TATDN2: variants seen among roughly 807,000 people sequenced by gnomAD.
TATDN2 encodes 3'-5' RNA nuclease TATDN2.
In TATDN2, 44 loss-of-function variants were observed where a neutral mutation model predicts 60.3. The ratio of observed to expected loss-of-function variants is 0.73; its 90% CI spans 0.57 to 0.94. The LOEUF (loss-of-function observed/expected upper bound fraction) is 0.94. Ranked by LOEUF, TATDN2 falls within the 40% of genes least tolerant of loss-of-function variation. The pLI is 0.00. For synonymous variants in TATDN2, 399 were observed against 355.8 expected (o/e 1.12, Z -1.37); for missense variants, 997 against 948.0 (o/e 1.05, Z -0.68).
chr3:10,249,555 C>T lies in TATDN2; in HGVS notation c.355C>T (p.Pro119Ser), dbSNP rs1698190253. 3 of 1,557,196 alleles carry T rather than the reference C, an allele frequency of 1.9e-6. No individual in the cohort carries two copies. Among genetic ancestry groups the T allele is most frequent in the East Asian group, 4.6e-5 (2 of 43,944 alleles). ...FLSSGGSPLR[P>S]ANASLEEMAS... ...GTCTTCAGGGGGATCCCCTCTGCGT[C>T]CTGCCAACGCCTCTTTGGAAGAAAT... is the stretch of plus-strand genomic sequence containing the variant. The change falls in exon 2 of 8, where the codon CCT becomes TCT. Residue 119 changes from proline to serine, a missense_variant. Pro to Ser is a moderately conservative substitution (Grantham distance 74). Coordinates refer to ENST00000448281, the MANE Select transcript of TATDN2 (RefSeq NM_014760.4).
chr3:10,278,348 C>T lies in TATDN2; in HGVS notation c.2031C>T (p.Gly677=), dbSNP rs1204229493. 1 of 1,614,098 alleles carries T rather than the reference C, an allele frequency of 6.2e-7. No individual in the cohort carries two copies. Among genetic ancestry groups the T allele is most frequent in the Non-Finnish European group, 8.5e-7 (1 of 1,180,040 alleles). The change falls in exon 6 of 8, where the codon GGC becomes GGT. Residue 677 remains glycine, a synonymous_variant. Coordinates refer to ENST00000448281, the MANE Select transcript of TATDN2 (RefSeq NM_014760.4). The surrounding 1 kb of genome is among the most constrained non-coding windows in gnomAD (Gnocchi z 4.7). The part of the protein sequence containing the change: ...LLKYFPNMSV[G]FTAVLTYSSA... Reference sequence around the variant, plus strand: ...AGTACTTTCCCAACATGTCTGTGGGCTTCACGGCAGTGCTGACATACTCCT... The same window carrying T: ...AGTACTTTCCCAACATGTCTGTGGGTTTCACGGCAGTGCTGACATACTCCT...
chr3:10,266,986 A>G (rs1015974474), intron 3 of TATDN2, among the ~76,000 whole-genome samples: 3 of 140,946 alleles, frequency 2.1e-5, no homozygotes, highest in Non-Finnish European at 4.5e-5. Context: ...GTTGGAGTAC[A>G]GTGGCTCACT....
chr3:10,278,396 C>T lies in TATDN2; in HGVS notation c.2079C>T (p.Ala693=). Residue 693 remains alanine, a synonymous_variant, in exon 6 of 8, where the codon GCC becomes GCT. Transcript: ENST00000448281. The surrounding 1 kb of genome is among the most constrained non-coding windows in gnomAD (Gnocchi z 4.7). ...CCTCTGCCTGGGAGGCCCGGGAAGC[C>T]TTGAGGCAGATCCCACTGGAGAGAA... The part of the protein sequence containing the change: ...TYSSAWEARE[A]LRQIPLERII... 1 of 1,614,186 alleles carries T rather than the reference C, an allele frequency of 6.2e-7. No individual in the cohort carries two copies. Among genetic ancestry groups the T allele is most frequent in the Non-Finnish European group, 8.5e-7 (1 of 1,180,010 alleles).
Position 10,270,686 on chromosome 3 carries a change from C to T in TATDN2, c.1504C>T (p.Leu502=), listed in dbSNP as rs770340322. 69 of 1,614,210 alleles carry T rather than the reference C, an allele frequency of 4.3e-5. No homozygotes were observed. Among genetic ancestry groups the T allele is most frequent in the Non-Finnish European group, 5.8e-5 (68 of 1,180,040 alleles). Residue 502 remains leucine, a synonymous_variant, in exon 4 of 8, where the codon CTG becomes TTG. Coordinates refer to ENST00000448281, the MANE Select transcript of TATDN2 (RefSeq NM_014760.4). ...GGGCTTCATTGACACTCATTGTCAC[C>T]TGGACATGCTCTATTCCAAGCTATC... The part of the protein sequence containing the change: ...EEGFIDTHCH[L]DMLYSKLSFQ...
chr3:10,261,748 C>T (rs1319218000), intron 3 of TATDN2, among the ~76,000 whole-genome samples: 1 of 152,210 alleles, frequency 6.6e-6, no homozygotes, highest in African/African-American at 2.4e-5. Context: ...GCTCTTTCTT[C>T]TAGTACTTAC....
chr3:10,265,058 T>TTCCTGTGCGTGG, intron 3 of TATDN2, among the ~76,000 whole-genome samples: 1 of 139,962 alleles, frequency 7.1e-6, no homozygotes, highest in African/African-American at 2.6e-5. Context: ...TTTTTTTTTT[T>TTCCTGTGCGTGG]TATTGCTGCC....
Position 10,278,223 on chromosome 3 carries a change from T to TG in TATDN2, c.1962-51dup. On this transcript the variant is annotated intron_variant, in intron 5 of 7. Coordinates refer to ENST00000448281, the MANE Select transcript of TATDN2 (RefSeq NM_014760.4). The surrounding 1 kb of genome is among the most constrained non-coding windows in gnomAD (Gnocchi z 4.7). ...AAGGGGTGATGGGTGTGGGGGGAGC[T>TG]GGGGGCTGCTGCAGAGGGGACTGTG... is the stretch of plus-strand genomic sequence containing the variant. 3.8e-6 allele frequency: 6 copies of TG among 1,568,782 alleles called. No homozygotes were observed. The highest frequency in any genetic ancestry group is 2.3e-5 in the South Asian group (2 of 86,196).
intron 2 of TATDN2, among the ~76,000 whole-genome samples, chr3:10,254,165 G>A (rs921605930): frequency 6.6e-6 from 1 of 152,164 alleles, no homozygotes; most frequent in African/African-American, 2.4e-5. Context: ...GGCTGTTGTT[G>A]CCAAGGACAA....
chr3:10,252,855 AT>A (rs373138121), intron 2 of TATDN2, among the ~76,000 whole-genome samples: 117 of 112,002 alleles, frequency 1.0e-3, no homozygotes, highest in Admixed American at 9.3e-4. Context: ...TGCCTGGCTA[AT>A]TTTTTTTTTT....
intron 3 of TATDN2, among the ~76,000 whole-genome samples, chr3:10,265,837 C>T (rs1486300930): frequency 2.0e-5 from 3 of 149,048 alleles, no homozygotes; most frequent in Admixed American, 6.6e-5. Flanking sequence ...AAGGGCAGGC[C>T]ATCTGCACAG....
chr3:10,273,620 G>A (rs1698596894), intron 4 of TATDN2, among the ~76,000 whole-genome samples: 1 of 151,146 alleles, frequency 6.6e-6, no homozygotes, highest in African/African-American at 2.4e-5. Context: ...AGAGCCTGTG[G>A]AAGGTCTGTA....
In TATDN2 at chr3:10,278,810, G is replaced by C. The variant is rs1698676747; in HGVS notation, c.2146-75G>C. ...CCCAAAGAGGTCCTTGCTGGGGAAGGGACAGGGAGGGAGTTCTAGATTATG... is the reference window on the plus strand; with the variant it reads ...CCCAAAGAGGTCCTTGCTGGGGAAGCGACAGGGAGGGAGTTCTAGATTATG... On this transcript the variant is annotated intron_variant, in intron 6 of 7. Transcript: ENST00000448281. The surrounding 1 kb of genome is among the most constrained non-coding windows in gnomAD (Gnocchi z 4.7). The C allele has an allele frequency of 6.2e-7, 1 of 1,607,904 alleles. No individual in the cohort carries two copies. The highest frequency in any genetic ancestry group is 1.1e-5 in the South Asian group (1 of 90,448).
At chr3:10,255,526 T>C (rs1698295440) in intron 2 of TATDN2, among the ~76,000 whole-genome samples, 1 of 151,940 alleles carries the variant, frequency 6.6e-6, no homozygotes, top group Admixed American at 6.6e-5. Context: ...TTTTTTTTTT[T>C]CTCCCCCAAC....
Position 10,278,801 on chromosome 3 carries a change from CT to C in TATDN2, c.2146-83del. The C allele has an allele frequency of 6.3e-7, 1 of 1,598,726 alleles. No individual in the cohort carries two copies. The highest frequency in any genetic ancestry group is 1.1e-5 in the South Asian group (1 of 89,888). ...CAGGGCAGCCCCAAAGAGGTCCTTGCTGGGGAAGGGACAGGGAGGGAGTTCT... is the reference window on the plus strand; with the variant it reads ...CAGGGCAGCCCCAAAGAGGTCCTTGCGGGGAAGGGACAGGGAGGGAGTTCT... On this transcript the variant is annotated intron_variant, in intron 6 of 7. Coordinates refer to ENST00000448281, the MANE Select transcript of TATDN2 (RefSeq NM_014760.4). The surrounding 1 kb of genome is among the most constrained non-coding windows in gnomAD (Gnocchi z 4.7).
At chr3:10,258,552 C>T (rs1333488333) in intron 2 of TATDN2, among the ~76,000 whole-genome samples, 1 of 151,738 alleles carries the variant, frequency 6.6e-6, no homozygotes, top group Non-Finnish European at 1.5e-5. Flanking sequence ...CTCACTGCAA[C>T]CTCTGCCTTC....
chr3:10,266,202 A>G (rs242735), intron 3 of TATDN2, among the ~76,000 whole-genome samples: 40 of 152,210 alleles, frequency 2.6e-4, no homozygotes, highest in Non-Finnish European at 4.8e-4. Context: ...GACAAAAACT[A>G]TATGCTATAT....
intron 3 of TATDN2, among the ~76,000 whole-genome samples, chr3:10,268,451 C>G (rs774164746): frequency 6.6e-6 from 1 of 152,122 alleles, no homozygotes; most frequent in Admixed American, 6.6e-5. Context: ...TTTGTAAGGC[C>G]TCTTGCTCAT....
rs772726630 is a variant in TATDN2 at position 10,249,271 on chromosome 3, G to C, written c.71G>C (p.Ser24Thr). The C allele has an allele frequency of 2.1e-5, 34 of 1,583,436 alleles. No individual in the cohort carries two copies. The highest frequency in any genetic ancestry group is 9.0e-5 in the East Asian group (4 of 44,340). ...STSEGCPRKR[S>T]CLREPCDVAP... ...TCGGAAGGGTGTCCCCGCAAGCGCA[G>C]CTGCCTCCGGGAGCCCTGTGATGTG... The change falls in exon 2 of 8, where the codon AGC (serine) becomes ACC (threonine). Residue 24 changes from serine (S) to threonine (T), a missense_variant. By Grantham distance (58) the Ser-to-Thr change is moderately conservative. Transcript: ENST00000448281.
chr3:10,280,520 C>G lies in TATDN2; in HGVS notation c.*1338C>G, dbSNP rs1296116568. On this transcript the variant is annotated 3_prime_UTR_variant, in exon 8 of 8. Coordinates refer to ENST00000448281, the MANE Select transcript of TATDN2 (RefSeq NM_014760.4). ...GGTGGATAGATCACCTGGAGTCCCT[C>G]GTCTGTGGTCTTGGAGGCTTAAATT... is the stretch of plus-strand genomic sequence containing the variant. 6.5e-6 allele frequency: 1 copy of G among 153,798 alleles called. No individual in the cohort carries two copies. The highest frequency in any genetic ancestry group is 1.9e-4 in the East Asian group (1 of 5,198). 9.5% of individuals were successfully genotyped at this position (153,798 alleles called of 1,614,324 possible).
Sources: allele counts gnomAD v4.1 joint callset (sites outside exome capture counted in the v4.1 genomes callset), GRCh38; gene constraint gnomAD v4.1.1; non-coding constraint Gnocchi (gnomAD v3.1); transcripts MANE v1.5; gene names NCBI Gene and HGNC (gene_info 2026-07-23, HGNC 2026-07-21).